The following TMEM132B variants were observed in gnomAD, a reference collection of about 807,000 sequenced individuals.
TMEM132B encodes the protein transmembrane protein 132B.
A neutral mutation model predicts 90.8 loss-of-function variants in TMEM132B; 18 were observed. The ratio of observed to expected loss-of-function variants is 0.20; its 90% confidence interval spans 0.14 to 0.29. The LOEUF (loss-of-function observed/expected upper bound fraction) is 0.29. Among genes scored for constraint, TMEM132B ranks in the 10% least tolerant of loss-of-function variants. TMEM132B has a pLI of 1.00. For synonymous variants in TMEM132B, 504 were observed against 523.3 expected, an observed-to-expected ratio of 0.96 and a Z score of 0.50; for missense variants, 1,096 against 1,326.8, an observed-to-expected ratio of 0.83 and a Z score of 2.70.
At chr12:125,483,907 G>C (rs1411790114) in intron 3 of TMEM132B, among the ~76,000 whole-genome samples, 1 of 152,150 alleles carries the variant, frequency 6.6e-6, no homozygotes, top group East Asian at 1.9e-4. Flanking sequence ...AGGTTGATCG[G>C]GTCCAATCAG....
chr12:125,188,752 G>A (rs189080313), intron 1 of TMEM132B, among the ~76,000 whole-genome samples: 4 of 147,688 alleles, frequency 2.7e-5, no homozygotes, highest in African/African-American at 1.0e-4. Flanking sequence ...CCATCGCCCC[G>A]TCCCTGGAAG....
At chr12:125,549,595 A>G (rs2136754806) in intron 4 of TMEM132B, among the ~76,000 whole-genome samples, 1 of 152,320 alleles carries the variant, frequency 6.6e-6, no homozygotes, top group South Asian at 2.1e-4. Context: ...CTCATGGGAA[A>G]CACATGTGAT....
At chr12:125,411,087 TGGAGGAGTGGAGTGGAGTGAGTG>T (rs1879804540) in intron 2 of TMEM132B, among the ~76,000 whole-genome samples, 1 of 7,620 alleles carries the variant, frequency 1.3e-4, no homozygotes. Context: ...TGGAGTGGAG[TGGAGGAGTGGAGTGGAGTGAGTG>T]GAGTGGAGTG....
At chr12:125,452,198 T>A (rs1052302950) in intron 3 of TMEM132B, among the ~76,000 whole-genome samples, 2 of 152,212 alleles carry the variant, frequency 1.3e-5, no homozygotes, top group Non-Finnish European at 2.9e-5. Flanking sequence ...CTTTAAAATT[T>A]TTTTTGATGT....
intron 1 of TMEM132B, among the ~76,000 whole-genome samples, chr12:125,284,595 T>C (rs1875296314): frequency 6.6e-6 from 1 of 152,252 alleles, no homozygotes; most frequent in South Asian, 2.1e-4. Flanking sequence ...TTTTTAATGA[T>C]GGTGTTTCAT....
chr12:125,252,397 C>G (rs188653839), intron 1 of TMEM132B, among the ~76,000 whole-genome samples: 29 of 152,332 alleles, frequency 1.9e-4, no homozygotes, highest in African/African-American at 5.5e-4. Context: ...GTTCCAGCCT[C>G]CCACGGAGGC....
At chr12:125,572,325 C>G (rs770248276) in intron 4 of TMEM132B, among the ~76,000 whole-genome samples, 2 of 152,206 alleles carry the variant, frequency 1.3e-5, no homozygotes, top group East Asian at 3.9e-4. Context: ...GTCATTAGGG[C>G]TCTGCCCTCA....
chr12:125,498,901 G>A lies in TMEM132B; in HGVS notation c.1107-20538G>A, dbSNP rs181951274. On this transcript the variant is annotated intron_variant, in intron 3 of 8. Coordinates refer to ENST00000682704, the MANE Select transcript of TMEM132B (RefSeq NM_001366854.1). This position sits in a 1 kb window ranked among gnomAD's most constrained non-coding sequence, Gnocchi z 4.5. ...TTCCTGTGGGTTATCTTTGGGGAAA[G>A]TGACCTGGACCTGTTGGTGATAAGC... 2.0e-4 allele frequency among the ~76,000 whole-genome samples: 30 copies of A among 152,246 alleles called. No individual in the cohort carries two copies. Among genetic ancestry groups the A allele is most frequent in the African/African-American group, 6.8e-4 (28 of 41,468 alleles).
At chr12:125,400,323 G>A (rs150394427) in intron 2 of TMEM132B, among the ~76,000 whole-genome samples, 1 of 152,322 alleles carries the variant, frequency 6.6e-6, no homozygotes, top group Non-Finnish European at 1.5e-5. Context: ...AAATCAGCAC[G>A]TGTTGCCTGG....
chr12:125,287,120 C>G (rs1565993337), intron 1 of TMEM132B, among the ~76,000 whole-genome samples: 1 of 151,538 alleles, frequency 6.6e-6, no homozygotes, highest in Non-Finnish European at 1.5e-5. Context: ...CAGCCTCCCT[C>G]TCCATCTCTC....
At chr12:125,361,647 G>A (rs1877962084) in intron 2 of TMEM132B, among the ~76,000 whole-genome samples, 1 of 152,196 alleles carries the variant, frequency 6.6e-6, no homozygotes, top group Non-Finnish European at 1.5e-5. Context: ...GAGGACAGGT[G>A]AGTGTTTCCC....
chr12:125,308,292 T>C (rs1876043958), intron 1 of TMEM132B, among the ~76,000 whole-genome samples: 2 of 152,212 alleles, frequency 1.3e-5, no homozygotes, highest in Admixed American at 1.3e-4. Flanking sequence ...ATCCTGAAGA[T>C]GGTTTCACAC....
chr12:125,314,379 CTCTT>C (rs995357863), intron 1 of TMEM132B, among the ~76,000 whole-genome samples: 49 of 152,322 alleles, frequency 3.2e-4, no homozygotes, highest in African/African-American at 1.0e-3. Context: ...AGATGGGAGG[CTCTT>C]TCTTTCCTTC....
intron 3 of TMEM132B, among the ~76,000 whole-genome samples, chr12:125,426,864 G>A (rs1880332692): frequency 6.6e-6 from 1 of 152,218 alleles, no homozygotes; most frequent in Non-Finnish European, 1.5e-5. Context: ...GAACCAGTAG[G>A]CAGCGCTCCC....
intron 1 of TMEM132B, among the ~76,000 whole-genome samples, chr12:125,191,036 G>A (rs1872772994): frequency 1.2e-5 from 1 of 81,996 alleles, no homozygotes; most frequent in Non-Finnish European, 2.5e-5. Context: ...TGGTGACGGG[G>A]AAGGGGTGGT....
chr12:125,617,258 T>TA (rs1235317240), intron 5 of TMEM132B, among the ~76,000 whole-genome samples: 1 of 152,168 alleles, frequency 6.6e-6, no homozygotes, highest in Non-Finnish European at 1.5e-5. Context: ...GTGAGCACCT[T>TA]ATGTCACTTC....
chr12:125,442,007 TA>T (rs1303787602), intron 3 of TMEM132B, among the ~76,000 whole-genome samples: 1 of 152,226 alleles, frequency 6.6e-6, no homozygotes, highest in African/African-American at 2.4e-5. Context: ...AATACACCAT[TA>T]GGGGAATGAA....
In TMEM132B at chr12:125,658,434, C is replaced by T. The variant is rs1565889332; in HGVS notation, c.*3724C>T. The T allele has an allele frequency of 6.6e-6, 1 of 152,218 alleles. No individual in the cohort carries two copies. Among genetic ancestry groups the T allele is most frequent in the Non-Finnish European group, 1.5e-5 (1 of 68,042 alleles). 9.4% of individuals were successfully genotyped at this position (152,218 alleles called of 1,614,324 possible). A position where few individuals can be genotyped will look rare whatever the true frequency, so the allele number is the denominator to read the frequency against. Reference sequence around the variant, plus strand: ...CAAGGACCACAGAGCGTGGTTTCATCTGAACCCTACAAGTCAGGGACACCA... The same window carrying T: ...CAAGGACCACAGAGCGTGGTTTCATTTGAACCCTACAAGTCAGGGACACCA... On this transcript the variant is annotated 3_prime_UTR_variant, in exon 9 of 9. Coordinates refer to ENST00000682704, the MANE Select transcript of TMEM132B (RefSeq NM_001366854.1).
intron 1 of TMEM132B, among the ~76,000 whole-genome samples, chr12:125,345,564 C>G (rs890956149): frequency 6.6e-6 from 1 of 152,158 alleles, no homozygotes; most frequent in African/African-American, 2.4e-5. Flanking sequence ...TAATCTCCTC[C>G]CCTCTCTTCC....
Sources: gnomAD v4.1 joint callset for allele counts (sites outside exome capture counted in the v4.1 genomes callset) on GRCh38, gnomAD v4.1.1 for gene constraint, Gnocchi (gnomAD v3.1) non-coding constraint, MANE v1.5 for transcripts, NCBI Gene and HGNC (gene_info 2026-07-23, HGNC 2026-07-21) for gene names.